Variants in TAPBP observed in about 807,000 individuals in gnomAD.
TAPBP encodes TAP binding protein, also known as tapasin.
In TAPBP, 38 loss-of-function variants were observed where a neutral mutation model predicts 45.7. The observed-to-expected ratio is 0.83, with a 90% CI of 0.64 to 1.09. TAPBP has a LOEUF of 1.09. Ranked by LOEUF, TAPBP falls within the 50% of genes least tolerant of loss-of-function variation. The pLI is 0.00. For missense variants in TAPBP, 513 were observed against 587.3 expected (o/e 0.87, Z 1.31); for synonymous variants, 226 against 254.8 (o/e 0.89, Z 1.08).
chr6:33,303,463 A>G, intron 7 of TAPBP: 2 of 397,248 alleles, frequency 5.0e-6, no homozygotes, highest in Non-Finnish European at 9.2e-6. Flanking sequence ...TATAAGGTGT[A>G]TAGGAAACAT....
At chr6:33,306,576 A>G (rs777031204) in intron 3 of TAPBP, among the ~76,000 whole-genome samples, 9 of 152,228 alleles carry the variant, frequency 5.9e-5, no homozygotes, top group Admixed American at 1.3e-4. Flanking sequence ...CAATTACAAC[A>G]GCCCTCCTGT....
Position 33,313,501 on chromosome 6 carries a change from A to C in TAPBP, c.209-24T>G. The C allele has an allele frequency of 6.5e-7, 1 of 1,530,144 alleles. No individual in the cohort carries two copies. The highest frequency in any genetic ancestry group is 1.4e-5 in the African/African-American group (1 of 72,794). The allele number at this position is 1,530,144 out of a possible 1,614,324, so 94.8% of individuals were successfully genotyped here. A position where few individuals can be genotyped will look rare whatever the true frequency, so the allele number is the denominator to read the frequency against. On this transcript the variant is annotated intron_variant, in intron 2 of 7. Coordinates refer to ENST00000434618, the MANE Select transcript of TAPBP (RefSeq NM_003190.5). The surrounding 1 kb of genome is among the most constrained non-coding windows in gnomAD (Gnocchi z 7.2). ...GTCTGAGTGTAGAGAAGGAAGTTGC[A>C]GCTGTAGAGTCACCGCCGGGAAAGG...
chr6:33,301,873 G>A (rs1768612714), intron 7 of TAPBP, 102 bp from the exon 8 acceptor site: 1 of 1,549,126 alleles, frequency 6.5e-7, no homozygotes, highest in Admixed American at 1.7e-5. Context: ...CACAGATGAT[G>A]GGAGAAGGAT....
At chr6:33,310,282 G>A (rs1479049831) in intron 3 of TAPBP, among the ~76,000 whole-genome samples, 2 of 151,638 alleles carry the variant, frequency 1.3e-5, no homozygotes, top group Admixed American at 6.6e-5. Flanking sequence ...GAGGTGGGTG[G>A]ATCACCTGAG....
Position 33,301,568 on chromosome 6 carries a change from C to T in TAPBP, c.*192G>A, listed in dbSNP as rs113457416. On this transcript the variant is annotated 3_prime_UTR_variant, in exon 8 of 8. Transcript: ENST00000434618. ...CAGCCTGGGCGGAAGAGTGAGACTC[C>T]GTCTCAAAAAAAAAAAAAAAAGAAA... The T allele has an allele frequency of 0.011, 6,473 of 585,508 alleles. 299 individuals are homozygous for T. In the African/African-American group the frequency reaches 0.11, roughly 10 times the overall value. 36.3% of individuals were successfully genotyped at this position (585,508 alleles called of 1,614,324 possible).
In TAPBP at chr6:33,313,478, C is replaced by T; in HGVS notation, c.209-1G>A. 6.4e-7 allele frequency: 1 copy of T among 1,563,984 alleles called. No homozygotes were observed. Among genetic ancestry groups the T allele is most frequent in the East Asian group, 2.3e-5 (1 of 43,582 alleles). On this transcript the variant is annotated splice_acceptor_variant, in intron 2 of 7. Coordinates refer to ENST00000434618, the MANE Select transcript of TAPBP (RefSeq NM_003190.5). LOFTEE classifies it high-confidence loss of function. The surrounding 1 kb of genome is among the most constrained non-coding windows in gnomAD (Gnocchi z 7.2). ...GCAGCCTGGAGGGCGCCCGCGGGGT[C>T]TGAGTGTAGAGAAGGAAGTTGCAGC...
At chr6:33,304,106 T>G (rs1306980532) in intron 6 of TAPBP, 22 bp downstream of exon 6, 3 of 1,611,996 alleles carry the variant, frequency 1.9e-6, no homozygotes, top group African/African-American at 1.3e-5. Context: ...CAGGTCATGG[T>G]CAGGGTAGGG....
intron 4 of TAPBP, 58 bp downstream of exon 4, chr6:33,304,931 G>T (rs370719866): frequency 8.4e-5 from 133 of 1,590,314 alleles, no homozygotes; most frequent in Non-Finnish European, 1.1e-4. Flanking sequence ...CCCCTATTAC[G>T]GTCCCCACAA....
At chr6:33,307,547 G>A (rs148795977) in intron 3 of TAPBP, among the ~76,000 whole-genome samples, 20 of 151,930 alleles carry the variant, frequency 1.3e-4, no homozygotes, top group African/African-American at 4.1e-4. Flanking sequence ...GATTACAGGC[G>A]TCCACAACCG....
chr6:33,307,394 C>CT (rs9280398), intron 3 of TAPBP, among the ~76,000 whole-genome samples: 1,825 of 88,736 alleles, frequency 0.021, 110 homozygotes, highest in Non-Finnish European at 0.029. Flanking sequence ...AGCCCTGCTT[C>CT]TTTTTTTTTT....
rs200812688 is a variant in TAPBP at position 33,310,332 on chromosome 6, C to T, written c.469+2885G>A. On this transcript the variant is annotated intron_variant, in intron 3 of 7. Transcript: ENST00000434618. The stretch of plus-strand genomic sequence containing the variant: ...ACCAGCCTGGCTAACATGACCAAAC[C>T]CTGTCTCCACTAAAAATACAAAAAT... Among the ~76,000 whole-genome samples the T allele has an allele frequency of 1.4e-4, 21 of 151,334 alleles. 1 individual carries two copies. The East Asian group carries it at 4.0e-3, about 29-fold the overall frequency.
rs1364191925 is a variant in TAPBP, at chr6:33,313,432, C to A, written c.254G>T (p.Gly85Val). 2 of 1,598,174 alleles carry A rather than the reference C, an allele frequency of 1.3e-6. No homozygotes were observed. The highest frequency in any genetic ancestry group is 4.5e-5 in the East Asian group (2 of 44,356). The change falls in exon 3 of 8, where the codon GGC becomes GTC. Residue 85 changes from glycine (G) to valine (V), a missense_variant. By Grantham distance (109) the Gly-to-Val change is moderately radical. Coordinates refer to ENST00000434618, the MANE Select transcript of TAPBP (RefSeq NM_003190.5). The surrounding 1 kb of genome is among the most constrained non-coding windows in gnomAD (Gnocchi z 7.2). ...LQAAFRRYPR[G>V]APAPHCEMSR... The stretch of plus-strand genomic sequence containing the variant: ...CATCTCGCAGTGTGGTGCGGGGGCG[C>A]CCCGGGGATACCGCCTGAAGGCAGC...
chr6:33,304,259 G>C, intron 5 of TAPBP, 38 bp downstream of exon 5: 1 of 1,607,914 alleles, frequency 6.2e-7, no homozygotes, highest in South Asian at 1.1e-5. Context: ...TGTCTTCCTG[G>C]GTGCTGGCTC....
At chr6:33,307,960 T>G (rs995236512) in intron 3 of TAPBP, 3 of 152,752 alleles carry the variant, frequency 2.0e-5, no homozygotes, top group African/African-American at 7.2e-5. Flanking sequence ...GGAAAAATCA[T>G]TTAACCTGTA....
At chr6:33,306,788 G>A (rs1768994862) in intron 3 of TAPBP, among the ~76,000 whole-genome samples, 1 of 152,116 alleles carries the variant, frequency 6.6e-6, no homozygotes, top group South Asian at 2.1e-4. Context: ...AAACCAGCCT[G>A]ACCAACATGG....
intron 3 of TAPBP, among the ~76,000 whole-genome samples, chr6:33,312,299 G>A (rs760652056): frequency 6.6e-6 from 1 of 152,098 alleles, no homozygotes; most frequent in African/African-American, 2.4e-5. Flanking sequence ...CTGTCTCCCT[G>A]GTTCTGTGGG....
chr6:33,305,568 C>T lies in TAPBP; in HGVS notation c.470-181G>A, dbSNP rs41266741. ...CCTGCAAACTCCTTTTGCTCTGCGA[C>T]TGGGTGGCACCTAGTGTGGCTGAGG... On this transcript the variant is annotated intron_variant, in intron 3 of 7. Coordinates refer to ENST00000434618, the MANE Select transcript of TAPBP (RefSeq NM_003190.5). This position sits in a 1 kb window ranked among gnomAD's most constrained non-coding sequence, Gnocchi z 4.4. Among the ~76,000 whole-genome samples the T allele has an allele frequency of 1.3e-5, 2 of 152,286 alleles. No individual in the cohort carries two copies. Among genetic ancestry groups the T allele is most frequent in the Non-Finnish European group, 2.9e-5 (2 of 68,016 alleles).
In TAPBP at chr6:33,314,077, T is replaced by C. The variant is rs1198416286; in HGVS notation, c.-36A>G. 6.2e-7 allele frequency: 1 copy of C among 1,610,392 alleles called. No homozygotes were observed. The highest frequency in any genetic ancestry group is 1.7e-5 in the Admixed American group (1 of 59,942). Reference sequence around the variant, plus strand: ...CCTCCTCAGCCATGAAGCCTCCTCTTCCTCCTTTCACTTTCACTTTCCTCC... The same window carrying C: ...CCTCCTCAGCCATGAAGCCTCCTCTCCCTCCTTTCACTTTCACTTTCCTCC... On this transcript the variant is annotated 5_prime_UTR_variant, in exon 1 of 8. Transcript: ENST00000434618.
At position 33,305,508 on chromosome 6, in the gene TAPBP, A is replaced by C. The variant is rs1768919759; in HGVS notation, c.470-121T>G. On this transcript the variant is annotated intron_variant, in intron 3 of 7. Coordinates refer to ENST00000434618, the MANE Select transcript of TAPBP (RefSeq NM_003190.5). This position sits in a 1 kb window ranked among gnomAD's most constrained non-coding sequence, Gnocchi z 4.4. ...CTGCAGTTTACCCACCCCTCAGAGG[A>C]CACCTTTTCTGATACTCACCATTTC... 4.5e-6 allele frequency: 5 copies of C among 1,118,754 alleles called. No individual in the cohort carries two copies. The highest frequency in any genetic ancestry group is 6.1e-6 in the Non-Finnish European group (5 of 813,362). 69.3% of individuals were successfully genotyped at this position (1,118,754 alleles called of 1,614,324 possible). A position where few individuals can be genotyped will look rare whatever the true frequency, so the allele number is the denominator to read the frequency against.
Sources: gnomAD v4.1 joint callset for allele counts (sites outside exome capture counted in the v4.1 genomes callset) on GRCh38, gnomAD v4.1.1 for gene constraint, Gnocchi (gnomAD v3.1) non-coding constraint, MANE v1.5 for transcripts, NCBI Gene and HGNC (gene_info 2026-07-23, HGNC 2026-07-21) for gene names.